GRXCR1: variants seen among roughly 807,000 people sequenced by gnomAD.
GRXCR1 encodes the protein glutaredoxin and cysteine rich domain containing 1.
Under a neutral mutation model 27.3 loss-of-function variants are expected in GRXCR1, and 27 were observed. The ratio of observed to expected loss-of-function variants is 0.99; its 90% CI spans 0.73 to 1.37. GRXCR1 has a LOEUF of 1.37. Ranked by LOEUF, GRXCR1 falls within the 40% of genes most tolerant of loss-of-function variation. GRXCR1 has a pLI of 0.00. For synonymous variants in GRXCR1, 122 were observed against 131.1 expected (o/e 0.93, Z 0.47); for missense variants, 379 against 354.4 (o/e 1.07, Z -0.56).
chr4:42,942,132 T>C lies in GRXCR1; in HGVS notation c.385-20760T>C, dbSNP rs147120842. 2.5e-3 allele frequency among the ~76,000 whole-genome samples: 380 copies of C among 152,116 alleles called. 3 individuals are homozygous for C. Among genetic ancestry groups the C allele is most frequent in the African/African-American group, 8.9e-3 (369 of 41,530 alleles). On this transcript the variant is annotated intron_variant, in intron 1 of 3. Coordinates refer to ENST00000399770, the MANE Select transcript of GRXCR1 (RefSeq NM_001080476.3). The stretch of plus-strand genomic sequence containing the variant: ...TCGTAATTGGAAACTATTCTGATAG[T>C]AGGCATGGTAACAACAATGAAATTA...
chr4:42,982,901 T>C (rs1711537506), intron 2 of GRXCR1, among the ~76,000 whole-genome samples: 1 of 151,760 alleles, frequency 6.6e-6, no homozygotes, highest in South Asian at 2.1e-4. Context: ...TTTGATGGGG[T>C]TGTTTGTTTT....
chr4:42,963,563 A>G (rs1006968611), intron 2 of GRXCR1, among the ~76,000 whole-genome samples: 1 of 151,968 alleles, frequency 6.6e-6, no homozygotes, highest in African/African-American at 2.4e-5. Context: ...AATGAAATCA[A>G]TAAGAAATGG....
intron 3 of GRXCR1, among the ~76,000 whole-genome samples, chr4:43,027,168 T>G (rs1042003976): frequency 6.6e-6 from 1 of 152,230 alleles, no homozygotes; most frequent in Admixed American, 6.5e-5. Flanking sequence ...TAATAATAAC[T>G]AACTGTATTG....
chr4:42,908,073 A>T (rs1450909), intron 1 of GRXCR1, among the ~76,000 whole-genome samples: 31,050 of 152,104 alleles, frequency 0.2, 3,226 homozygotes, highest in South Asian at 0.31. Flanking sequence ...TGCATCAGCC[A>T]CACCTTCGAG....
At chr4:42,983,912 T>C (rs536403893) in intron 2 of GRXCR1, among the ~76,000 whole-genome samples, 1 of 150,528 alleles carries the variant, frequency 6.6e-6, no homozygotes, top group South Asian at 2.1e-4. Flanking sequence ...CTCGGCTCAC[T>C]GGAACCTTCA....
chr4:42,898,961 A>G (rs1297276996), intron 1 of GRXCR1, among the ~76,000 whole-genome samples: 3 of 152,148 alleles, frequency 2.0e-5, no homozygotes, highest in African/African-American at 7.2e-5. Context: ...GCAGGAAAGA[A>G]AAAGCAGCAA....
intron 1 of GRXCR1, among the ~76,000 whole-genome samples, chr4:42,937,844 G>T (rs550834464): frequency 2.0e-5 from 3 of 151,954 alleles, no homozygotes; most frequent in African/African-American, 7.2e-5. Flanking sequence ...TTTGATATAG[G>T]CATAAAATGT....
chr4:42,929,223 CT>C (rs1028059043), intron 1 of GRXCR1, among the ~76,000 whole-genome samples: 2 of 151,904 alleles, frequency 1.3e-5, no homozygotes, highest in Non-Finnish European at 2.9e-5. Flanking sequence ...AAATGATGAC[CT>C]GTCTGTGAAC....
At chr4:43,014,277 T>C (rs1225414549) in intron 2 of GRXCR1, among the ~76,000 whole-genome samples, 6 of 152,140 alleles carry the variant, frequency 3.9e-5, no homozygotes, top group Admixed American at 2.6e-4. Flanking sequence ...GGTCATGCAC[T>C]GGAAAAGATC....
intron 1 of GRXCR1, among the ~76,000 whole-genome samples, chr4:42,901,535 C>G (rs1039624532): frequency 2.0e-5 from 3 of 152,148 alleles, no homozygotes; most frequent in African/African-American, 7.2e-5. Flanking sequence ...TAAAGATCTT[C>G]ATGATTACGT....
At chr4:42,953,315 C>T (rs927793353) in intron 1 of GRXCR1, among the ~76,000 whole-genome samples, 3 of 152,104 alleles carry the variant, frequency 2.0e-5, no homozygotes, top group African/African-American at 4.8e-5. Context: ...AAAAGTGATT[C>T]CAAGTGAAGG....
chr4:43,015,083 A>C (rs1712890706), intron 2 of GRXCR1, among the ~76,000 whole-genome samples: 2 of 152,230 alleles, frequency 1.3e-5, no homozygotes, highest in Admixed American at 6.5e-5. Flanking sequence ...AAGAAATATC[A>C]GGAAAAAAAT....
At chr4:42,918,074 G>A (rs751914165) in intron 1 of GRXCR1, among the ~76,000 whole-genome samples, 212 of 152,170 alleles carry the variant, frequency 1.4e-3, no homozygotes, top group Non-Finnish European at 2.1e-4. Context: ...AATACTCTTG[G>A]TGTTGTCAAT....
intron 1 of GRXCR1, among the ~76,000 whole-genome samples, chr4:42,905,644 C>A (rs182773621): frequency 6.6e-6 from 1 of 152,202 alleles, no homozygotes; most frequent in African/African-American, 2.4e-5. Context: ...AAATGGATGC[C>A]ATAGCTTACA....
In GRXCR1 at chr4:43,030,649, TTTATTATA is replaced by T; in HGVS notation, c.*110_*117del. ...TTTATGGATTAATCAATAAACTTTG[TTTATTATA>T]ATTGTCTTTGTGGTGAATTTTTGCT... On this transcript the variant is annotated 3_prime_UTR_variant, in exon 4 of 4. Transcript: ENST00000399770. The T allele has an allele frequency of 1.1e-6, 1 of 882,838 alleles. No individual in the cohort carries two copies. Among genetic ancestry groups the T allele is most frequent in the Non-Finnish European group, 1.8e-6 (1 of 557,124 alleles). 54.7% of individuals were successfully genotyped at this position (882,838 alleles called of 1,614,324 possible).
chr4:43,011,348 G>A (rs1712744584), intron 2 of GRXCR1, among the ~76,000 whole-genome samples: 1 of 152,186 alleles, frequency 6.6e-6, no homozygotes, highest in Non-Finnish European at 1.5e-5. Context: ...TGGTCAGAGG[G>A]AAGCTGGAGC....
intron 1 of GRXCR1, among the ~76,000 whole-genome samples, chr4:42,930,989 G>T (rs969784841): frequency 6.6e-6 from 1 of 151,954 alleles, no homozygotes; most frequent in Non-Finnish European, 1.5e-5. Flanking sequence ...TTATATCTGA[G>T]TGATGACATG....
chr4:42,901,125 G>A (rs919642736), intron 1 of GRXCR1, among the ~76,000 whole-genome samples: 1 of 152,112 alleles, frequency 6.6e-6, no homozygotes, highest in African/African-American at 2.4e-5. Flanking sequence ...CAAGAACATG[G>A]TCATTGGCAT....
At chr4:42,917,363 T>C (rs1353693432) in intron 1 of GRXCR1, among the ~76,000 whole-genome samples, 1 of 152,142 alleles carries the variant, frequency 6.6e-6, no homozygotes, top group South Asian at 2.1e-4. Context: ...TTTCACACCC[T>C]CAGCTGATGA....
Sources: allele counts gnomAD v4.1 joint callset (sites outside exome capture counted in the v4.1 genomes callset), GRCh38; gene constraint gnomAD v4.1.1; transcripts MANE v1.5; gene names NCBI Gene and HGNC (gene_info 2026-07-23, HGNC 2026-07-21).